The following SLC25A37 variants were observed in gnomAD, a reference collection of about 807,000 sequenced individuals.
SLC25A37 encodes solute carrier family 25 member 37.
In SLC25A37, 17 loss-of-function variants were observed where a neutral mutation model predicts 31.0. That is an observed-to-expected ratio of 0.55 (90% confidence interval 0.38 to 0.82). The LOEUF is 0.82. Among genes scored for constraint, SLC25A37 ranks in the 40% least tolerant of loss-of-function variants. The pLI is 0.00. For synonymous variants in SLC25A37, 222 were observed against 193.0 expected (o/e 1.15, Z -1.24); for missense variants, 404 against 465.8 (o/e 0.87, Z 1.22).
chr8:23,565,325 C>A (rs1802624127), intron 1 of SLC25A37, among the ~76,000 whole-genome samples: 1 of 152,186 alleles, frequency 6.6e-6, no homozygotes, highest in African/African-American at 2.4e-5. Context: ...TGTGCAAGCG[C>A]TTTTCCCTCC....
Position 23,572,464 on chromosome 8 carries a change from A to T in SLC25A37, c.*609A>T, listed in dbSNP as rs1160286419. ...GAACGAAAAAGGCAACAAAGTAATA[A>T]ATCAGTGAATGTGGCCGGCAGCTGT... On this transcript the variant is annotated 3_prime_UTR_variant, in exon 4 of 4. Coordinates refer to ENST00000519973, the MANE Select transcript of SLC25A37 (RefSeq NM_016612.4). 1 of 152,568 alleles carries T rather than the reference A, an allele frequency of 6.6e-6. No homozygotes were observed. The highest frequency in any genetic ancestry group is 2.4e-5 in the African/African-American group (1 of 41,402). The allele number at this position is 152,568 out of a possible 1,614,324, so 9.5% of individuals were successfully genotyped here. A position where few individuals can be genotyped will look rare whatever the true frequency, so the allele number is the denominator to read the frequency against.
rs201156003 is a variant in SLC25A37 at position 23,571,774 on chromosome 8, C to T, written c.936C>T (p.Ser312=). Residue 312 remains serine (S), a synonymous_variant, in exon 4 of 4, where the codon TCC becomes TCT. Transcript: ENST00000519973. ...IQARVIYQMP[S]TAISWSVYEF... ...CGCGTGTCATCTACCAGATGCCCTC[C>T]ACCGCCATTTCTTGGTCTGTCTATG... is the stretch of plus-strand genomic sequence containing the variant. 1.2e-6 allele frequency: 2 copies of T among 1,614,066 alleles called. No individual in the cohort carries two copies. Among genetic ancestry groups the T allele is most frequent in the Non-Finnish European group, 1.7e-6 (2 of 1,179,906 alleles).
At chr8:23,543,495 C>A (rs950920675) in intron 1 of SLC25A37, among the ~76,000 whole-genome samples, 4 of 152,174 alleles carry the variant, frequency 2.6e-5, no homozygotes, top group Non-Finnish European at 5.9e-5. Context: ...TACTCACCAC[C>A]ACTCACTTAA....
chr8:23,571,303 C>G, intron 3 of SLC25A37, 32 bp from the exon 4 acceptor site: 1 of 1,503,254 alleles, frequency 6.7e-7, no homozygotes. Context: ...CACTGGCTGT[C>G]CGTCTGGCCT....
At chr8:23,557,749 G>A (rs746911719) in intron 1 of SLC25A37, among the ~76,000 whole-genome samples, 16 of 152,178 alleles carry the variant, frequency 1.1e-4, no homozygotes, top group Non-Finnish European at 1.6e-4. Context: ...GCTTGGCCCC[G>A]CATTTTACTG....
At chr8:23,566,475 A>G in intron 2 of SLC25A37, 139 bp downstream of exon 2, 1 of 1,461,476 alleles carries the variant, frequency 6.8e-7, no homozygotes. Context: ...TTGTGTGTGC[A>G]ATGCACACCC....
intron 1 of SLC25A37, among the ~76,000 whole-genome samples, chr8:23,548,900 A>G (rs1372370957): frequency 2.6e-5 from 4 of 152,140 alleles, no homozygotes; most frequent in Non-Finnish European, 5.9e-5. Context: ...GCTCATCTTC[A>G]GGTGACACCA....
chr8:23,537,661 G>A (rs993736287), intron 1 of SLC25A37, among the ~76,000 whole-genome samples: 1 of 152,208 alleles, frequency 6.6e-6, no homozygotes, highest in Non-Finnish European at 1.5e-5. Context: ...ATACAGGCAG[G>A]TTTGCAGGGA....
Position 23,538,283 on chromosome 8 carries a change from A to G in SLC25A37, c.210+9071A>G, listed in dbSNP as rs537546840. 2.5e-3 allele frequency among the ~76,000 whole-genome samples: 359 copies of G among 145,958 alleles called. 4 individuals carry two copies. The highest frequency in any genetic ancestry group is 3.5e-3 in the Admixed American group (50 of 14,198). ...GTAATCCCAGCTACTTGGGAGGCTG[A>G]GGAAGGAGAATCACTTGAACCTGGG... is the stretch of plus-strand genomic sequence containing the variant. On this transcript the variant is annotated intron_variant, in intron 1 of 3. Transcript: ENST00000519973.
At chr8:23,546,022 C>T (rs1317956642) in intron 1 of SLC25A37, among the ~76,000 whole-genome samples, 1 of 151,974 alleles carries the variant, frequency 6.6e-6, no homozygotes, top group East Asian at 1.9e-4. Flanking sequence ...ATAATCTCAG[C>T]TACTTGAGAG....
At chr8:23,548,531 C>T (rs1211262028) in intron 1 of SLC25A37, among the ~76,000 whole-genome samples, 2 of 143,166 alleles carry the variant, frequency 1.4e-5, no homozygotes, top group South Asian at 2.2e-4. Flanking sequence ...AGTGCAGTGG[C>T]GCAATGTCGG....
intron 1 of SLC25A37, among the ~76,000 whole-genome samples, chr8:23,562,794 C>T (rs1002973530): frequency 3.3e-5 from 5 of 152,176 alleles, no homozygotes; most frequent in Admixed American, 2.0e-4. Flanking sequence ...CCCAGGGTCA[C>T]ACCATGAGTG....
chr8:23,531,581 T>G (rs1222478231), intron 1 of SLC25A37: 2 of 151,508 alleles, frequency 1.3e-5, no homozygotes, highest in Non-Finnish European at 2.9e-5. Flanking sequence ...AATCGGATCT[T>G]GAAAGAGAGA....
chr8:23,531,737 G>A (rs1423821397), intron 1 of SLC25A37: 1 of 152,106 alleles, frequency 6.6e-6, no homozygotes, highest in East Asian at 1.9e-4. Context: ...TGAACCTGAT[G>A]CTACTTATTT....
rs1387039953 is a variant in SLC25A37 at position 23,571,459 on chromosome 8, G to C, written c.621G>C (p.Met207Ile). 1 of 1,613,878 alleles carries C rather than the reference G, an allele frequency of 6.2e-7. No homozygotes were observed. Among genetic ancestry groups the C allele is most frequent in the Non-Finnish European group, 8.5e-7 (1 of 1,179,896 alleles). The stretch of plus-strand genomic sequence containing the variant: ...GGAGCTACACCACGCAGCTGACCAT[G>C]AACATCCCCTTCCAGTCCATCCACT... Reference protein sequence around the residue: ...FYRSYTTQLTMNIPFQSIHFI... With the variant: ...FYRSYTTQLTINIPFQSIHFI... The change falls in exon 4 of 4, where the codon ATG becomes ATC. Residue 207 changes from methionine (M) to isoleucine (I), a missense_variant. Met to Ile is a conservative substitution (Grantham distance 10, BLOSUM62 1). Coordinates refer to ENST00000519973, the MANE Select transcript of SLC25A37 (RefSeq NM_016612.4).
At chr8:23,566,399 G>T (rs775387549) in intron 2 of SLC25A37, 63 bp downstream of exon 2, 1 of 1,546,424 alleles carries the variant, frequency 6.5e-7, no homozygotes, top group South Asian at 1.3e-5. Context: ...CCTCCCCAGG[G>T]TGTTCCTCCC....
chr8:23,544,443 T>C (rs975965180), intron 1 of SLC25A37, among the ~76,000 whole-genome samples: 5 of 152,008 alleles, frequency 3.3e-5, no homozygotes, highest in African/African-American at 1.2e-4. Context: ...GCCTATGGGG[T>C]ATGACTGTGG....
At chr8:23,542,095 A>C (rs1801908790) in intron 1 of SLC25A37, among the ~76,000 whole-genome samples, 1 of 152,206 alleles carries the variant, frequency 6.6e-6, no homozygotes, top group Admixed American at 6.5e-5. Context: ...AGCACCACAT[A>C]ACGATGTTTC....
chr8:23,548,477 C>CTTTTT (rs143771739), intron 1 of SLC25A37, among the ~76,000 whole-genome samples: 4 of 116,028 alleles, frequency 3.4e-5, no homozygotes, highest in African/African-American at 1.1e-4. Context: ...CACGTCCGGG[C>CTTTTT]TTTTTTTTTT....
Sources: gnomAD v4.1 joint callset for allele counts (sites outside exome capture counted in the v4.1 genomes callset) on GRCh38, gnomAD v4.1.1 for gene constraint, MANE v1.5 for transcripts, NCBI Gene and HGNC (gene_info 2026-07-23, HGNC 2026-07-21) for gene names.